MZT2A: variants seen among roughly 807,000 people sequenced by gnomAD.
MZT2A encodes the protein mitotic spindle organizing protein 2A.
Under a neutral mutation model 12.4 loss-of-function variants are expected in MZT2A, and 8 were observed. That is an observed-to-expected ratio of 0.64 (90% CI 0.38 to 1.16). The LOEUF (loss-of-function observed/expected upper bound fraction) is 1.16. Among genes scored for constraint, MZT2A ranks in the 50% most tolerant of loss-of-function variants. MZT2A has a pLI of 0.01. For missense variants in MZT2A, 181 were observed against 223.6 expected, an observed-to-expected ratio of 0.81 and a Z score of 1.22; for synonymous variants, 88 against 107.5, an observed-to-expected ratio of 0.82 and a Z score of 1.12.
chr2:131,475,601 G>A (rs1352878353), intron 2 of MZT2A, among the ~76,000 whole-genome samples: 1 of 152,172 alleles, frequency 6.6e-6, no homozygotes, highest in African/African-American at 2.4e-5. Context: ...AAAGTGCTGG[G>A]ATTGCGGGCG....
chr2:131,493,110 T>C (rs1679418475), upstream of MZT2A: 2 of 1,489,640 alleles, frequency 1.3e-6, no homozygotes, highest in Admixed American at 2.3e-5. Flanking sequence ...GGCTTCCACC[T>C]CTGAAGCGGG....
At chr2:131,490,367 C>T (rs13390533) in intron 2 of MZT2A, 116,645 of 1,088,340 alleles carry the variant, frequency 0.11, 9,881 homozygotes, top group African/African-American at 0.42. Flanking sequence ...GAGGCCGAGG[C>T]GTTTGTCACG....
intron 2 of MZT2A, chr2:131,491,304 ACT>A (rs1240618877): frequency 1.0e-5 from 3 of 287,634 alleles, no homozygotes; most frequent in African/African-American, 6.6e-5. Flanking sequence ...TCCGCGTCTA[ACT>A]CTCTTCCTGC....
intron 2 of MZT2A, chr2:131,476,093 A>G (rs1678654109): frequency 6.4e-7 from 1 of 1,556,772 alleles, no homozygotes; most frequent in Non-Finnish European, 8.7e-7. Flanking sequence ...CCGGCGGGCC[A>G]ATCCCGTGCG....
intron 2 of MZT2A, chr2:131,490,410 C>T: frequency 8.2e-7 from 1 of 1,224,826 alleles, no homozygotes; most frequent in Non-Finnish European, 1.0e-6. Flanking sequence ...GAGCACACTG[C>T]ACCCGGCTGG....
chr2:131,491,582 T>G (rs2872483), intron 2 of MZT2A: 26 of 537,686 alleles, frequency 4.8e-5, no homozygotes, highest in Middle Eastern at 5.0e-4. Flanking sequence ...GATTCCCGAC[T>G]TTGTAGGATG....
intron 2 of MZT2A, among the ~76,000 whole-genome samples, chr2:131,488,109 C>T (rs980339227): frequency 3.3e-5 from 5 of 152,176 alleles, no homozygotes; most frequent in Admixed American, 6.5e-5. Flanking sequence ...GCAATGACCA[C>T]GCCAGCCATG....
intron 2 of MZT2A, among the ~76,000 whole-genome samples, chr2:131,475,605 G>C (rs1444790924): frequency 6.6e-6 from 1 of 152,116 alleles, no homozygotes; most frequent in Non-Finnish European, 1.5e-5. Flanking sequence ...TGCTGGGATT[G>C]CGGGCGTTAG....
At chr2:131,478,058 C>T (rs1678734326) in intron 2 of MZT2A, 2 of 1,450,402 alleles carry the variant, frequency 1.4e-6, no homozygotes, top group Non-Finnish European at 1.8e-6. Flanking sequence ...GTGAAAGCGC[C>T]AGATACTGAA....
downstream of MZT2A, chr2:131,479,527 G>A (rs1296848606): frequency 3.8e-6 from 6 of 1,590,526 alleles, no homozygotes; most frequent in Admixed American, 3.4e-5. Context: ...TGAAAGGGAA[G>A]TCATTTTATC....
intron 2 of MZT2A, among the ~76,000 whole-genome samples, chr2:131,486,046 C>A (rs147026995): frequency 6.6e-6 from 1 of 151,094 alleles, no homozygotes. Context: ...AGGGTTACAG[C>A]GGTGTCATGC....
At chr2:131,490,721 G>A (rs201811372) in intron 2 of MZT2A, 17 of 1,549,522 alleles carry the variant, frequency 1.1e-5, no homozygotes, top group African/African-American at 5.5e-5. Flanking sequence ...ACCTGCAAAA[G>A]GAGAGAACAG....
At chr2:131,476,547 G>T (rs1678678596) in intron 2 of MZT2A, among the ~76,000 whole-genome samples, 1 of 152,212 alleles carries the variant, frequency 6.6e-6, no homozygotes, top group African/African-American at 2.4e-5. Flanking sequence ...AGGAGCCCCA[G>T]GAGCCTTCGG....
At chr2:131,480,771 G>C, downstream of MZT2A, 1 of 1,599,416 alleles carries the variant, frequency 6.3e-7, no homozygotes, top group East Asian at 2.2e-5. Context: ...TGATGTGGAG[G>C]CCTTTCAGCA....
downstream of MZT2A, chr2:131,483,041 G>A (rs1377951529): frequency 7.3e-6 from 7 of 965,218 alleles, no homozygotes; most frequent in Non-Finnish European, 1.0e-5. Flanking sequence ...CTGGTGTGGG[G>A]TTGGGTGCAG....
intron 2 of MZT2A, among the ~76,000 whole-genome samples, chr2:131,487,265 A>T (rs1434889942): frequency 6.6e-6 from 1 of 152,138 alleles, no homozygotes; most frequent in Non-Finnish European, 1.5e-5. Flanking sequence ...GGATCCTTTG[A>T]GGCCAGGAGC....
At position 131,490,484 on chromosome 2, in the gene MZT2A, G is replaced by A. The variant is rs1679246679; in HGVS notation, c.319+1392C>T. Reference sequence around the variant, plus strand: ...TAGTTCGCCTCTGGGGTGTGGGGATGTTGGTCCTGTCCCCGGATGCCAGCC... The same window carrying A: ...TAGTTCGCCTCTGGGGTGTGGGGATATTGGTCCTGTCCCCGGATGCCAGCC... On this transcript the variant is annotated intron_variant, in intron 2 of 2. Transcript: ENST00000309451. 5.7e-6 allele frequency: 8 copies of A among 1,409,984 alleles called. No individual in the cohort carries two copies. The East Asian group carries it at 1.8e-4, about 33-fold the overall frequency. The allele number at this position is 1,409,984 out of a possible 1,614,324, so 87.3% of individuals were successfully genotyped here. A position where few individuals can be genotyped will look rare whatever the true frequency, so the allele number is the denominator to read the frequency against.
intron 3 of MZT2A, among the ~76,000 whole-genome samples, chr2:131,471,763 G>T (rs368585204): frequency 6.6e-6 from 1 of 150,790 alleles, no homozygotes; most frequent in East Asian, 1.9e-4. Flanking sequence ...TGGGGGAGTT[G>T]CTGCTTACTC....
At chr2:131,490,432 T>C in intron 2 of MZT2A, 1 of 1,286,332 alleles carries the variant, frequency 7.8e-7, no homozygotes, top group Non-Finnish European at 1.0e-6. Flanking sequence ...TGTCTTCCCC[T>C]GGAGAGGGGC....
Sources: gnomAD v4.1 joint callset for allele counts (sites outside exome capture counted in the v4.1 genomes callset) on GRCh38, gnomAD v4.1.1 for gene constraint, MANE v1.5 for transcripts, NCBI Gene and HGNC (gene_info 2026-07-23, HGNC 2026-07-21) for gene names.